Variants in AMD1 observed in about 807,000 individuals in gnomAD.
The protein encoded by AMD1 is S-adenosylmethionine decarboxylase proenzyme.
In AMD1, 11 loss-of-function variants were observed where a neutral mutation model predicts 40.2. The observed-to-expected ratio is 0.27, with a 90% CI of 0.17 to 0.45. AMD1 has a LOEUF of 0.45. Among genes scored for constraint, AMD1 ranks in the 20% least tolerant of loss-of-function variants. The pLI is 1.00. For missense variants in AMD1, 257 were observed against 410.2 expected (o/e 0.63, Z 3.23); for synonymous variants, 121 against 130.8 (o/e 0.93, Z 0.51).
rs776688238 is a variant in AMD1 at position 110,892,457 on chromosome 6, G to A, written c.615+14G>A. The stretch of plus-strand genomic sequence containing the variant: ...GATGTCACTCGTGTAAGCATTTTTA[G>A]TAATAATTGTTGCTGGACTCTTCTG... On this transcript the variant is annotated intron_variant, in intron 6 of 8. Coordinates refer to ENST00000368885, the MANE Select transcript of AMD1 (RefSeq NM_001634.6). The A allele has an allele frequency of 5.8e-5, 93 of 1,611,484 alleles. No individual in the cohort carries two copies. The highest frequency in any genetic ancestry group is 7.6e-5 in the Non-Finnish European group (90 of 1,179,668).
At position 110,888,841 on chromosome 6, in the gene AMD1, C is replaced by T. The variant is rs1279440907; in HGVS notation, c.198-16C>T. On this transcript the variant is annotated splice_polypyrimidine_tract_variant and intron_variant, in intron 2 of 8. Coordinates refer to ENST00000368885, the MANE Select transcript of AMD1 (RefSeq NM_001634.6). ...CATTAGTATTGTTATAATATTGTGA[C>T]TTTTTTCAACTGCAGTGAGAGTAGC... 2 of 1,607,962 alleles carry T rather than the reference C, an allele frequency of 1.2e-6. No homozygotes were observed. Among genetic ancestry groups the T allele is most frequent in the Non-Finnish European group, 1.7e-6 (2 of 1,177,800 alleles).
chr6:110,826,605 T>G, the AMD1 span, among the ~76,000 whole-genome samples: 1 of 152,084 alleles, frequency 6.6e-6, no homozygotes, highest in Admixed American at 6.6e-5. Context: ...CCTTGCTTTA[T>G]GGCAGCATAA....
the AMD1 span, among the ~76,000 whole-genome samples, chr6:110,834,732 G>A: frequency 6.6e-6 from 1 of 151,950 alleles, no homozygotes; most frequent in Non-Finnish European, 1.5e-5. Flanking sequence ...GCCGAGGAGG[G>A]CAGATCACAA....
chr6:110,885,215 C>T (rs1785616306), intron 1 of AMD1, among the ~76,000 whole-genome samples: 1 of 152,104 alleles, frequency 6.6e-6, no homozygotes, highest in South Asian at 2.1e-4. Context: ...CTCCCGCATT[C>T]AGTCTCCTGC....
At chr6:110,840,039 A>C in the AMD1 span, among the ~76,000 whole-genome samples, 6 of 97,900 alleles carry the variant, frequency 6.1e-5, no homozygotes, top group African/African-American at 2.5e-4. Context: ...TTTTTTTGAG[A>C]TGGAGTTTCC....
chr6:110,843,905 G>A, the AMD1 span, among the ~76,000 whole-genome samples: 5 of 152,012 alleles, frequency 3.3e-5, no homozygotes, highest in Non-Finnish European at 7.4e-5. Flanking sequence ...CACTTTTAAG[G>A]ACCTTTGGGA....
the AMD1 span, among the ~76,000 whole-genome samples, chr6:110,869,505 C>CTTT: frequency 4.7e-4 from 68 of 143,914 alleles, no homozygotes; most frequent in African/African-American, 1.6e-3. Flanking sequence ...TTTACAGTTT[C>CTTT]TTTTTTTTTT....
chr6:110,883,623 G>A (rs1785521942), intron 1 of AMD1, among the ~76,000 whole-genome samples: 1 of 152,180 alleles, frequency 6.6e-6, no homozygotes. Context: ...ACAGAGTCTT[G>A]CTCTGTAGCC....
the AMD1 span, among the ~76,000 whole-genome samples, chr6:110,861,937 T>TA: frequency 6.6e-6 from 1 of 152,190 alleles, no homozygotes; most frequent in Non-Finnish European, 1.5e-5. Context: ...CCATTGTCTT[T>TA]AATCTTCCAA....
chr6:110,836,733 G>A, the AMD1 span, among the ~76,000 whole-genome samples: 2 of 151,906 alleles, frequency 1.3e-5, no homozygotes, highest in Admixed American at 1.3e-4. Flanking sequence ...GACCAAGGTT[G>A]TTTGTTTTGT....
the AMD1 span, among the ~76,000 whole-genome samples, chr6:110,837,122 A>G: frequency 7.0e-6 from 1 of 143,754 alleles, no homozygotes; most frequent in Admixed American, 7.3e-5. Context: ...CCACCACTGC[A>G]CTACAGTCTG....
intron 1 of AMD1, 147 bp from the exon 2 acceptor site, chr6:110,887,358 A>G (rs1022979463): frequency 4.7e-5 from 25 of 535,938 alleles, no homozygotes; most frequent in Admixed American, 3.4e-4. Flanking sequence ...GGGTGTGTCA[A>G]TATAGATTAT....
At chr6:110,876,679 G>T (rs1364812745) in intron 1 of AMD1, among the ~76,000 whole-genome samples, 2 of 152,034 alleles carry the variant, frequency 1.3e-5, no homozygotes, top group Non-Finnish European at 2.9e-5. Flanking sequence ...CCAGGCTCAC[G>T]TGAGATTATA....
chr6:110,892,052 T>A, intron 4 of AMD1, 109 bp from the exon 5 acceptor site: 1 of 1,288,024 alleles, frequency 7.8e-7, no homozygotes, highest in South Asian at 1.2e-5. Context: ...TGGATGACAT[T>A]TCTAATAAGT....
intron 3 of AMD1, 160 bp downstream of exon 3, chr6:110,889,143 G>T (rs1360851999): frequency 1.5e-6 from 1 of 688,052 alleles, no homozygotes; most frequent in African/African-American, 1.9e-5. Context: ...TGATTCTCAA[G>T]AACAGCAGAA....
At chr6:110,815,204 CCCGCGACCG>C in the AMD1 span, 1 of 1,452,374 alleles carries the variant, frequency 6.9e-7, no homozygotes, top group South Asian at 1.4e-5. Flanking sequence ...TCCTCCTCCC[CCCGCGACCG>C]CCGCTCCACT....
the AMD1 span, among the ~76,000 whole-genome samples, chr6:110,859,505 A>C: frequency 3.4e-4 from 52 of 152,248 alleles, no homozygotes; most frequent in Non-Finnish European, 6.2e-4. Flanking sequence ...TGTGTCAGCC[A>C]ATCAGTTTGT....
intron 6 of AMD1, 25 bp from the exon 7 acceptor site, chr6:110,892,710 A>T: frequency 6.5e-7 from 1 of 1,541,520 alleles, no homozygotes; most frequent in African/African-American, 1.9e-5. Context: ...AACCCTTGTT[A>T]AACTCGGTCT....
chr6:110,857,208 C>T, the AMD1 span, among the ~76,000 whole-genome samples: 1 of 151,322 alleles, frequency 6.6e-6, no homozygotes, highest in Non-Finnish European at 1.5e-5. Flanking sequence ...GTCCAGATAA[C>T]AGAATAGCTT....
Sources: allele counts gnomAD v4.1 joint callset (sites outside exome capture counted in the v4.1 genomes callset), GRCh38; gene constraint gnomAD v4.1.1; transcripts MANE v1.5; gene names NCBI Gene and HGNC (gene_info 2026-07-23, HGNC 2026-07-21).